TCF12: variants seen among roughly 807,000 people sequenced by gnomAD.
The protein encoded by TCF12 is transcription factor 12.
Under a neutral mutation model 86.0 loss-of-function variants are expected in TCF12, and 45 were observed. The ratio of observed to expected loss-of-function variants is 0.52; its 90% CI spans 0.41 to 0.67. The LOEUF is 0.67. Among genes scored for constraint, TCF12 ranks in the 30% least tolerant of loss-of-function variants. The probability of loss-of-function intolerance (pLI) is 0.00; values close to 1 mark genes in which losing one functional copy is unlikely to be tolerated. For missense variants in TCF12, 881 were observed against 859.9 expected (o/e 1.02, Z -0.31); for synonymous variants, 330 against 299.6 (o/e 1.10, Z -1.05).
chr15:57,076,634 G>A (rs1458843182), intron 4 of TCF12, among the ~76,000 whole-genome samples: 1 of 143,344 alleles, frequency 7.0e-6, no homozygotes, highest in Non-Finnish European at 1.5e-5. Flanking sequence ...GCCTGGCTCT[G>A]TCTCAAAAAA....
chr15:57,060,114 CT>C (rs2068349880), intron 3 of TCF12, among the ~76,000 whole-genome samples: 1 of 152,118 alleles, frequency 6.6e-6, no homozygotes, highest in Admixed American at 6.6e-5. Flanking sequence ...TGAATTTTAC[CT>C]TTCTATTCCT....
chr15:57,104,259 C>A (rs773796594), intron 5 of TCF12, among the ~76,000 whole-genome samples: 1 of 151,808 alleles, frequency 6.6e-6, no homozygotes, highest in African/African-American at 2.4e-5. Context: ...ATAAGACTAT[C>A]TCATAACATA....
At chr15:57,176,045 G>A (rs550261228) in intron 6 of TCF12, among the ~76,000 whole-genome samples, 1 of 152,080 alleles carries the variant, frequency 6.6e-6, no homozygotes, top group Non-Finnish European at 1.5e-5. Context: ...TGAAATAAAA[G>A]ACCTTAAAAG....
intron 3 of TCF12, among the ~76,000 whole-genome samples, chr15:56,984,233 G>A (rs975958154): frequency 5.8e-4 from 84 of 145,824 alleles, no homozygotes; most frequent in Admixed American, 7.0e-4. Context: ...TACAAATTTA[G>A]GAAAAGCATG....
intron 3 of TCF12, among the ~76,000 whole-genome samples, chr15:56,934,885 G>C (rs574868574): frequency 4.6e-5 from 7 of 152,114 alleles, no homozygotes; most frequent in Non-Finnish European, 1.0e-4. Context: ...CTGGGTTTGG[G>C]AGAAAAGGGT....
intron 8 of TCF12, among the ~76,000 whole-genome samples, chr15:57,225,220 CTTT>C (rs139530756): frequency 2.7e-3 from 106 of 39,746 alleles, no homozygotes; most frequent in East Asian, 0.011. Context: ...CTGATATATG[CTTT>C]TTTTTTTTTT....
intron 6 of TCF12, among the ~76,000 whole-genome samples, chr15:57,178,125 G>A (rs1473337814): frequency 6.6e-6 from 1 of 152,172 alleles, no homozygotes; most frequent in Non-Finnish European, 1.5e-5. Context: ...CAACATACTG[G>A]CTATTACATG....
chr15:57,002,409 A>G (rs1280907541), intron 3 of TCF12, among the ~76,000 whole-genome samples: 1 of 152,220 alleles, frequency 6.6e-6, no homozygotes, highest in African/African-American at 2.4e-5. Flanking sequence ...CACAATGTTT[A>G]CATTATTTAC....
intron 3 of TCF12, among the ~76,000 whole-genome samples, chr15:56,961,034 G>C (rs2061726896): frequency 6.6e-6 from 1 of 151,360 alleles, no homozygotes; most frequent in South Asian, 2.1e-4. Context: ...CTGCTACTTG[G>C]GAGGCTGAGG....
Position 57,273,253 on chromosome 15 carries a change from C to G in TCF12, c.1969C>G (p.Gln657Glu). Residue 657 changes from glutamine (Q) to glutamate (E), a missense_variant, in exon 19 of 21, where the codon CAA (glutamine) becomes GAA (glutamate). Gln to Glu is a conservative substitution (Grantham distance 29). Around this residue, in one of 3 missense-constraint regions of TCF12, gnomAD observed 69 missense variants for 64.2 expected, o/e 1.07. Transcript: ENST00000333725. ...AVAVILSLEQ[Q>E]VRERNLNPKA... ...GGCAGTCATCCTTAGTCTAGAACAGCAAGTCAGAGGTAAGTAGGTTCAGCC... is the reference window on the plus strand; with the variant it reads ...GGCAGTCATCCTTAGTCTAGAACAGGAAGTCAGAGGTAAGTAGGTTCAGCC... 1 of 1,614,068 alleles carries G rather than the reference C, an allele frequency of 6.2e-7. No individual in the cohort carries two copies. The highest frequency in any genetic ancestry group is 8.5e-7 in the Non-Finnish European group (1 of 1,179,974).
chr15:57,185,291 A>G (rs16977284), intron 6 of TCF12, among the ~76,000 whole-genome samples: 6,919 of 152,270 alleles, frequency 0.045, 456 homozygotes, highest in African/African-American at 0.15. Flanking sequence ...TTCATGCTCC[A>G]ACATTGTTGA....
intron 8 of TCF12, among the ~76,000 whole-genome samples, chr15:57,223,673 G>GC (rs2058733389): frequency 4.8e-5 from 1 of 20,796 alleles, no homozygotes; most frequent in Admixed American, 5.7e-4. Context: ...TTTTTTTTTA[G>GC]AAATAGAGTA....
chr15:57,179,537 A>AT (rs879614803), intron 6 of TCF12, among the ~76,000 whole-genome samples: 7,155 of 147,946 alleles, frequency 0.048, 463 homozygotes, highest in African/African-American at 0.15. Flanking sequence ...CTCAAAAGAA[A>AT]TTTTTTTTTT....
At chr15:57,020,939 T>C (rs1261991626) in intron 3 of TCF12, among the ~76,000 whole-genome samples, 8 of 152,172 alleles carry the variant, frequency 5.3e-5, no homozygotes, top group African/African-American at 1.9e-4. Flanking sequence ...AGGTTTAATT[T>C]TTTATTATAT....
In TCF12 at chr15:57,263,062, C is replaced by A; in HGVS notation, c.1583-50C>A. The A allele has an allele frequency of 1.9e-6, 3 of 1,555,576 alleles. No individual in the cohort carries two copies. The South Asian group carries it at 3.7e-5, about 19-fold the overall frequency. ...GCTTTTTATTGTCTTAGCTGTAATT[C>A]ATATATGAGTCTCGTCTTTTATTTT... On this transcript the variant is annotated intron_variant, in intron 17 of 20. Transcript: ENST00000333725.
chr15:56,941,483 C>T (rs2060773714), intron 3 of TCF12, among the ~76,000 whole-genome samples: 1 of 151,848 alleles, frequency 6.6e-6, no homozygotes, highest in African/African-American at 2.4e-5. Context: ...AGCAATTCTC[C>T]TGCCTCAGCT....
intron 5 of TCF12, among the ~76,000 whole-genome samples, chr15:57,099,100 G>A (rs16977242): frequency 0.041 from 6,270 of 152,182 alleles, 362 homozygotes; most frequent in African/African-American, 0.13. Context: ...GTGGACATGT[G>A]CATTTAATTT....
At chr15:57,204,760 AT>A (rs10712467) in intron 8 of TCF12, among the ~76,000 whole-genome samples, 34,869 of 149,420 alleles carry the variant, frequency 0.23, 4,430 homozygotes, top group African/African-American at 0.35. Flanking sequence ...TAAACTGAAG[AT>A]TTTTTTTTTT....
chr15:56,962,585 A>T (rs2061814386), intron 3 of TCF12, among the ~76,000 whole-genome samples: 1 of 152,228 alleles, frequency 6.6e-6, no homozygotes, highest in South Asian at 2.1e-4. Context: ...AAGCAAATCA[A>T]CAAAAAGCGA....
Sources: gnomAD v4.1 joint callset for allele counts (sites outside exome capture counted in the v4.1 genomes callset) on GRCh38, gnomAD v4.1.1 for gene constraint, gnomAD v4.1.1 regional missense constraint, MANE v1.5 for transcripts, NCBI Gene and HGNC (gene_info 2026-07-23, HGNC 2026-07-21) for gene names.